DPYD: variants seen among roughly 807,000 people sequenced by gnomAD.
DPYD encodes the protein dihydropyrimidine dehydrogenase.
A neutral mutation model predicts 116.2 loss-of-function variants in DPYD; 109 were observed. The ratio of observed to expected loss-of-function variants is 0.94; its 90% CI spans 0.80 to 1.10. The LOEUF is 1.10. Ranked by LOEUF, DPYD falls within the 50% of genes least tolerant of loss-of-function variation. DPYD has a pLI of 0.00. For missense variants in DPYD, 1,302 were observed against 1,254.5 expected (o/e 1.04, Z -0.57); for synonymous variants, 440 against 432.0 (o/e 1.02, Z -0.23).
chr1:97,699,111 G>T (rs1054478586), intron 6 of DPYD, among the ~76,000 whole-genome samples: 1 of 151,886 alleles, frequency 6.6e-6, no homozygotes, highest in Non-Finnish European at 1.5e-5. Context: ...AAAATAATTT[G>T]CAGAGATTTC....
At chr1:97,261,493 C>CT (rs1210765677) in intron 18 of DPYD, among the ~76,000 whole-genome samples, 6,365 of 122,442 alleles carry the variant, frequency 0.052, 276 homozygotes, top group African/African-American at 0.1. Flanking sequence ...GACTATGCAT[C>CT]TTTTTTTTTT....
chr1:97,499,577 A>G (rs1280017127), intron 13 of DPYD, among the ~76,000 whole-genome samples: 1 of 151,822 alleles, frequency 6.6e-6, no homozygotes, highest in African/African-American at 2.4e-5. Flanking sequence ...CAGCGGGAAC[A>G]AAAAAACATC....
chr1:97,442,491 AC>A (rs1240330533), intron 14 of DPYD, among the ~76,000 whole-genome samples: 1 of 149,854 alleles, frequency 6.7e-6, no homozygotes, highest in East Asian at 1.9e-4. Context: ...ATTTTTTGCT[AC>A]CCTTGTTTTG....
chr1:97,798,578 T>C (rs1667697369), intron 3 of DPYD, among the ~76,000 whole-genome samples: 1 of 151,956 alleles, frequency 6.6e-6, no homozygotes, highest in Non-Finnish European at 1.5e-5. Context: ...TAATAGTACC[T>C]ACCTCACAGT....
At chr1:97,369,639 T>A (rs1056611645) in intron 16 of DPYD, among the ~76,000 whole-genome samples, 4 of 152,166 alleles carry the variant, frequency 2.6e-5, no homozygotes, top group Non-Finnish European at 4.4e-5. Flanking sequence ...AAGAGTCATA[T>A]TTTATTTTTC....
chr1:97,085,748 C>T (rs1452052329), intron 21 of DPYD, among the ~76,000 whole-genome samples: 1 of 152,136 alleles, frequency 6.6e-6, no homozygotes, highest in African/African-American at 2.4e-5. Flanking sequence ...TAGTCTCCAG[C>T]CCCTCTTGTA....
At chr1:97,240,513 A>G (rs1399485835) in intron 18 of DPYD, among the ~76,000 whole-genome samples, 1 of 152,040 alleles carries the variant, frequency 6.6e-6, no homozygotes. Context: ...TAAGTCCACA[A>G]TAAACTCCCT....
chr1:97,917,449 C>T (rs1347740374), intron 1 of DPYD, among the ~76,000 whole-genome samples: 2 of 152,150 alleles, frequency 1.3e-5, no homozygotes, highest in Non-Finnish European at 2.9e-5. Context: ...TTTCCAAATT[C>T]GCTATTTTTA....
intron 3 of DPYD, among the ~76,000 whole-genome samples, chr1:97,812,808 C>T (rs950011429): frequency 3.3e-5 from 5 of 151,940 alleles, no homozygotes; most frequent in Non-Finnish European, 5.9e-5. Context: ...AAAGAGTATA[C>T]GTTAGTATTG....
chr1:97,192,363 T>C (rs899328679), intron 20 of DPYD, among the ~76,000 whole-genome samples: 1 of 152,038 alleles, frequency 6.6e-6, no homozygotes, highest in Admixed American at 6.6e-5. Context: ...TAAAGTTAAT[T>C]ATTGATGTAG....
chr1:97,407,689 C>T (rs934178166), intron 14 of DPYD, among the ~76,000 whole-genome samples: 1 of 152,142 alleles, frequency 6.6e-6, no homozygotes, highest in African/African-American at 2.4e-5. Flanking sequence ...ACACGGTACT[C>T]TTCCTCCCAT....
chr1:97,557,418 T>C (rs1440908278), intron 11 of DPYD, among the ~76,000 whole-genome samples: 1 of 148,966 alleles, frequency 6.7e-6, no homozygotes, highest in Non-Finnish European at 1.5e-5. Context: ...AGTGATCAAG[T>C]GATTCTCGTG....
intron 16 of DPYD, among the ~76,000 whole-genome samples, chr1:97,345,571 C>T (rs1164310580): frequency 6.6e-6 from 1 of 151,972 alleles, no homozygotes; most frequent in Non-Finnish European, 1.5e-5. Context: ...GACTGGATAA[C>T]GGTGACTGTC....
chr1:97,335,299 T>TACACACACACAC lies in DPYD; in HGVS notation c.2059-29014_2059-29003dup, dbSNP rs35371362. ...CATCACAATCATTTATGGAGTTAAG[T>TACACACACACAC]ACACACACACACACACACACACACA... On this transcript the variant is annotated intron_variant, in intron 16 of 22. Coordinates refer to ENST00000370192, the MANE Select transcript of DPYD (RefSeq NM_000110.4). Among the ~76,000 whole-genome samples, 463 of 136,300 alleles carry TACACACACACAC rather than the reference T, an allele frequency of 3.4e-3. 5 individuals are homozygous for TACACACACACAC. The highest frequency in any genetic ancestry group is 0.012 in the African/African-American group (436 of 35,910). 89.4% of individuals were successfully genotyped at this position (136,300 alleles called of 152,430 possible). A position where few individuals can be genotyped will look rare whatever the true frequency, so the allele number is the denominator to read the frequency against.
chr1:97,733,957 T>C (rs181466241), intron 4 of DPYD, among the ~76,000 whole-genome samples: 32 of 152,182 alleles, frequency 2.1e-4, no homozygotes, highest in Admixed American at 2.0e-3. Flanking sequence ...AATAGTAAAA[T>C]TTTTGCCTAT....
At chr1:97,509,787 G>A (rs1488341656) in intron 13 of DPYD, among the ~76,000 whole-genome samples, 5 of 151,966 alleles carry the variant, frequency 3.3e-5, no homozygotes, top group African/African-American at 1.2e-4. Flanking sequence ...AAGACCTAAG[G>A]CAGGTCCTAG....
chr1:97,660,309 A>T (rs1314580716), intron 8 of DPYD, among the ~76,000 whole-genome samples: 1 of 152,138 alleles, frequency 6.6e-6, no homozygotes, highest in African/African-American at 2.4e-5. Flanking sequence ...TCCATTTGAT[A>T]AATAATCACT....
intron 14 of DPYD, among the ~76,000 whole-genome samples, chr1:97,441,973 T>C (rs189318172): frequency 1.3e-5 from 2 of 152,270 alleles, no homozygotes; most frequent in African/African-American, 2.4e-5. Context: ...CTTGTGGTCA[T>C]AGAGTTTTCC....
At position 97,875,813 on chromosome 1, in the gene DPYD, G is replaced by A. The variant is rs77821038; in HGVS notation, c.150+7451C>T. Reference sequence around the variant, plus strand: ...TCTAACATTTGTTAGAAATAAGAAAGCTATTGCCCAGTAATGATCACTTAA... The same window carrying A: ...TCTAACATTTGTTAGAAATAAGAAAACTATTGCCCAGTAATGATCACTTAA... On this transcript the variant is annotated intron_variant, in intron 2 of 22. Coordinates refer to ENST00000370192, the MANE Select transcript of DPYD (RefSeq NM_000110.4). 3.6e-3 allele frequency among the ~76,000 whole-genome samples: 551 copies of A among 152,020 alleles called. 7 individuals are homozygous for A. The highest frequency in any genetic ancestry group is 0.013 in the African/African-American group (533 of 41,508).
Sources: gnomAD v4.1 joint callset for allele counts (sites outside exome capture counted in the v4.1 genomes callset) on GRCh38, gnomAD v4.1.1 for gene constraint, MANE v1.5 for transcripts, NCBI Gene and HGNC (gene_info 2026-07-23, HGNC 2026-07-21) for gene names.